Variants in CCDC141 observed in about 807,000 individuals in gnomAD.
The protein encoded by CCDC141 is coiled-coil domain-containing protein 141.
Under a neutral mutation model 181.0 loss-of-function variants are expected in CCDC141, and 168 were observed. That is an observed-to-expected ratio of 0.93 (90% confidence interval 0.82 to 1.05). The LOEUF is 1.05. Ranked by LOEUF, CCDC141 falls within the 50% of genes least tolerant of loss-of-function variation. The pLI is 0.00. For missense variants in CCDC141, 1,902 were observed against 1,788.5 expected, an observed-to-expected ratio of 1.06 and a Z score of -1.14; for synonymous variants, 666 against 642.3, an observed-to-expected ratio of 1.04 and a Z score of -0.56.
chr2:178,886,608 A>G lies in CCDC141; in HGVS notation c.1527+144T>C, dbSNP rs181198005. Reference sequence around the variant, plus strand: ...AAATATAATTTAGACACATAAGAATATGAGTTTTTAAGTCATTATGTGCTA... The same window carrying G: ...AAATATAATTTAGACACATAAGAATGTGAGTTTTTAAGTCATTATGTGCTA... On this transcript the variant is annotated intron_variant, in intron 10 of 23. Coordinates refer to ENST00000443758, the MANE Select transcript of CCDC141 (RefSeq NM_173648.4). 3.7e-4 allele frequency: 200 copies of G among 534,496 alleles called. 1 individual carries two copies. Among genetic ancestry groups the G allele is most frequent in the African/African-American group, 3.6e-3 (180 of 49,866 alleles). 33.1% of individuals were successfully genotyped at this position (534,496 alleles called of 1,614,324 possible).
intron 2 of CCDC141, among the ~76,000 whole-genome samples, chr2:179,014,494 G>A (rs1441079756): frequency 3.3e-5 from 5 of 152,190 alleles, no homozygotes; most frequent in South Asian, 4.2e-4. Flanking sequence ...AACCCACAGA[G>A]GGGGAGAAAA....
At chr2:178,980,852 G>C (rs1046056982) in intron 2 of CCDC141, among the ~76,000 whole-genome samples, 1 of 152,028 alleles carries the variant, frequency 6.6e-6, no homozygotes, top group African/African-American at 2.4e-5. Flanking sequence ...ACAATTTTTA[G>C]TTGTCAATTA....
chr2:179,016,681 G>A (rs2042553273), intron 2 of CCDC141, among the ~76,000 whole-genome samples: 2 of 152,012 alleles, frequency 1.3e-5, no homozygotes, highest in South Asian at 2.1e-4. Flanking sequence ...GATACCTTTC[G>A]ATGCATAAGC....
chr2:178,918,969 C>G, intron 6 of CCDC141, 62 bp from the exon 7 acceptor site: 1 of 1,408,590 alleles, frequency 7.1e-7, no homozygotes, highest in Admixed American at 2.2e-5. Flanking sequence ...ATGCTTGTGT[C>G]CCCCCGAAAT....
At chr2:178,990,806 T>A (rs187318985) in intron 2 of CCDC141, among the ~76,000 whole-genome samples, 1 of 151,684 alleles carries the variant, frequency 6.6e-6, no homozygotes, top group African/African-American at 2.4e-5. Context: ...GGGGGAAGGG[T>A]GAATAAGGAG....
At chr2:178,872,506 C>A (rs1558944455) in intron 12 of CCDC141, among the ~76,000 whole-genome samples, 194 bp from the exon 13 acceptor site, 1 of 152,114 alleles carries the variant, frequency 6.6e-6, no homozygotes, top group Non-Finnish European at 1.5e-5. Context: ...CTTAGACATC[C>A]GGTCCCGAGT....
At chr2:178,959,837 C>T (rs1690318884) in intron 5 of CCDC141, among the ~76,000 whole-genome samples, 1 of 152,204 alleles carries the variant, frequency 6.6e-6, no homozygotes, top group South Asian at 2.1e-4. Context: ...CTCGGAGAGG[C>T]TTCTTTGATT....
chr2:178,890,069 G>A (rs1332325286), intron 8 of CCDC141, among the ~76,000 whole-genome samples: 1 of 152,068 alleles, frequency 6.6e-6, no homozygotes, highest in Non-Finnish European at 1.5e-5. Flanking sequence ...GTTTTCTGCA[G>A]AATATGGAAA....
At chr2:178,875,615 A>C (rs1686325875) in intron 12 of CCDC141, 1 of 152,050 alleles carries the variant, frequency 6.6e-6, no homozygotes, top group South Asian at 2.1e-4. Context: ...CCAGGTACAA[A>C]TGTTGTAGCT....
intron 8 of CCDC141, among the ~76,000 whole-genome samples, chr2:178,893,250 C>A (rs560663614): frequency 6.7e-6 from 1 of 148,406 alleles, no homozygotes; most frequent in Non-Finnish European, 1.5e-5. Flanking sequence ...AGAGCACAGA[C>A]GTATTGACTT....
intron 12 of CCDC141, chr2:178,876,715 G>A (rs1409210206): frequency 6.6e-6 from 1 of 152,134 alleles, no homozygotes; most frequent in Non-Finnish European, 1.5e-5. Context: ...GCCATAGAAA[G>A]CTTACTTGTC....
intron 7 of CCDC141, among the ~76,000 whole-genome samples, chr2:178,917,964 T>C (rs1021691694): frequency 5.9e-5 from 9 of 152,146 alleles, no homozygotes; most frequent in African/African-American, 2.2e-4. Context: ...ACCTGGTAAA[T>C]TAAAGAGGAT....
At chr2:178,923,664 G>T (rs1232096798) in intron 6 of CCDC141, among the ~76,000 whole-genome samples, 3 of 152,120 alleles carry the variant, frequency 2.0e-5, no homozygotes, top group Non-Finnish European at 4.4e-5. Flanking sequence ...TTTTCAATTT[G>T]ACAGAGATGC....
At chr2:178,853,246 T>C (rs16866567) in intron 20 of CCDC141, among the ~76,000 whole-genome samples, 195 bp downstream of exon 20, 2 of 152,224 alleles carry the variant, frequency 1.3e-5, no homozygotes, top group African/African-American at 4.8e-5. Context: ...GCAGGCTTCA[T>C]CTGCTGTCAG....
intron 2 of CCDC141, among the ~76,000 whole-genome samples, chr2:179,033,369 T>G (rs77762002): frequency 0.033 from 5,064 of 152,236 alleles, 97 homozygotes; most frequent in South Asian, 0.058. Context: ...TAGCTTATAT[T>G]GCAAATACTA....
At chr2:179,015,309 A>G (rs1326661451) in intron 2 of CCDC141, among the ~76,000 whole-genome samples, 121 of 143,374 alleles carry the variant, frequency 8.4e-4, no homozygotes, top group African/African-American at 2.9e-3. Context: ...TATGTATCAT[A>G]CATATCTCAT....
At chr2:178,992,140 C>G (rs1228842107) in intron 2 of CCDC141, among the ~76,000 whole-genome samples, 1 of 151,716 alleles carries the variant, frequency 6.6e-6, no homozygotes, top group Non-Finnish European at 1.5e-5. Context: ...ATATATAAAC[C>G]TGCTATAAAT....
intron 2 of CCDC141, among the ~76,000 whole-genome samples, chr2:179,021,752 T>A (rs1262157708): frequency 6.6e-6 from 1 of 152,184 alleles, no homozygotes; most frequent in Admixed American, 6.5e-5. Flanking sequence ...TCTTGGTCAC[T>A]CTTCAAACTA....
intron 2 of CCDC141, among the ~76,000 whole-genome samples, chr2:178,989,800 C>G (rs893185697): frequency 1.5e-5 from 2 of 135,996 alleles, no homozygotes; most frequent in Non-Finnish European, 3.1e-5. Flanking sequence ...TGAGATGTCA[C>G]TTCACACCCA....
Sources: gnomAD v4.1 joint callset for allele counts (sites outside exome capture counted in the v4.1 genomes callset) on GRCh38, gnomAD v4.1.1 for gene constraint, MANE v1.5 for transcripts, NCBI Gene and HGNC (gene_info 2026-07-23, HGNC 2026-07-21) for gene names.